ROBO1: variants seen among roughly 807,000 people sequenced by gnomAD.
The protein encoded by ROBO1 is roundabout homolog 1.
A neutral mutation model predicts 195.9 loss-of-function variants in ROBO1; 149 were observed. The ratio of observed to expected loss-of-function variants is 0.76; its 90% CI spans 0.67 to 0.87. The LOEUF (loss-of-function observed/expected upper bound fraction) is 0.87. Among genes scored for constraint, ROBO1 ranks in the 40% least tolerant of loss-of-function variants. The pLI, the probability that ROBO1 is intolerant of heterozygous loss-of-function variation, is 0.00. For synonymous variants in ROBO1, 816 were observed against 733.2 expected, an observed-to-expected ratio of 1.11 and a Z score of -1.82; for missense variants, 1,933 against 2,068.3, an observed-to-expected ratio of 0.93 and a Z score of 1.27.
chr3:79,450,744 T>G (rs2039417074), intron 2 of ROBO1, among the ~76,000 whole-genome samples: 1 of 151,896 alleles, frequency 6.6e-6, no homozygotes, highest in Admixed American at 6.6e-5. Flanking sequence ...CAATTTTAAA[T>G]AATTTCTTAT....
rs146938395 is a variant in ROBO1 at position 79,031,084 on chromosome 3, T to C, written c.173-92157A>G. Among the ~76,000 whole-genome samples the C allele has an allele frequency of 2.5e-3, 384 of 152,336 alleles. 1 individual carries two copies. The highest frequency in any genetic ancestry group is 8.8e-3 in the African/African-American group (365 of 41,576). ...GTAGGGTAATAAAGGTGATATGTGA[T>C]GGTAAGGCAGAGTGCACCATTGAAT... On this transcript the variant is annotated intron_variant, in intron 3 of 30. Coordinates refer to ENST00000464233, the MANE Select transcript of ROBO1 (RefSeq NM_002941.4).
At chr3:79,581,406 A>G (rs4293670) in intron 2 of ROBO1, among the ~76,000 whole-genome samples, 152,281 of 152,284 alleles carry the variant, frequency 1, 76,139 homozygotes, top group Middle Eastern at 1. Context: ...AAGTAGAATA[A>G]TCCTGGTCTC....
intron 4 of ROBO1, among the ~76,000 whole-genome samples, chr3:78,848,779 T>C (rs2033840701): frequency 6.6e-6 from 1 of 152,134 alleles, no homozygotes; most frequent in Non-Finnish European, 1.5e-5. Context: ...AATCTCCAAG[T>C]TTAAAGTAGC....
chr3:79,756,869 T>C (rs1704433742), intron 1 of ROBO1, among the ~76,000 whole-genome samples: 1 of 152,208 alleles, frequency 6.6e-6, no homozygotes, highest in East Asian at 1.9e-4. Flanking sequence ...TCTGTGACTT[T>C]GATTATTCTA....
At chr3:79,003,162 T>A (rs2077543657) in intron 3 of ROBO1, among the ~76,000 whole-genome samples, 4 of 152,280 alleles carry the variant, frequency 2.6e-5, no homozygotes, top group African/African-American at 9.6e-5. Flanking sequence ...TATATTTTCC[T>A]TTGCTGGGAT....
intron 6 of ROBO1, 56 bp downstream of exon 6, chr3:78,717,707 A>G: frequency 1.9e-6 from 3 of 1,580,098 alleles, no homozygotes; most frequent in Non-Finnish European, 2.6e-6. Flanking sequence ...GTATACAGAC[A>G]CAAAATGATA....
chr3:79,222,877 T>A (rs1465120063), intron 2 of ROBO1, among the ~76,000 whole-genome samples: 1 of 152,184 alleles, frequency 6.6e-6, no homozygotes, highest in Non-Finnish European at 1.5e-5. Flanking sequence ...AAGAGTGTTT[T>A]TAGACCAGAT....
At chr3:79,531,625 G>T (rs1233576275) in intron 2 of ROBO1, among the ~76,000 whole-genome samples, 1 of 152,100 alleles carries the variant, frequency 6.6e-6, no homozygotes, top group African/African-American at 2.4e-5. Flanking sequence ...TGAATTTTAA[G>T]GTAGTATACT....
At chr3:79,477,433 A>T (rs1304547751) in intron 2 of ROBO1, among the ~76,000 whole-genome samples, 4 of 152,202 alleles carry the variant, frequency 2.6e-5, no homozygotes, top group Non-Finnish European at 4.4e-5. Context: ...AGGATTTATG[A>T]GGGTAAACAG....
intron 1 of ROBO1, among the ~76,000 whole-genome samples, chr3:79,636,991 C>T (rs1030052305): frequency 5.3e-5 from 8 of 152,128 alleles, no homozygotes; most frequent in Non-Finnish European, 1.5e-5. Context: ...CTTTATTAAA[C>T]ATGAAACAGA....
At chr3:79,250,491 C>T (rs2082699495) in intron 2 of ROBO1, among the ~76,000 whole-genome samples, 1 of 152,018 alleles carries the variant, frequency 6.6e-6, no homozygotes, top group South Asian at 2.1e-4. Flanking sequence ...TTAGAAGTTG[C>T]CAAAAGCATT....
intron 3 of ROBO1, among the ~76,000 whole-genome samples, chr3:79,100,387 C>T (rs1406101574): frequency 2.0e-5 from 3 of 151,684 alleles, no homozygotes; most frequent in African/African-American, 7.3e-5. Context: ...CTTACCCAAA[C>T]CTTATTCTTT....
intron 1 of ROBO1, among the ~76,000 whole-genome samples, chr3:79,739,963 C>A (rs1703552349): frequency 6.6e-6 from 1 of 151,982 alleles, no homozygotes; most frequent in Non-Finnish European, 1.5e-5. Context: ...TTCAGAAAAA[C>A]CACATCAACA....
intron 2 of ROBO1, among the ~76,000 whole-genome samples, chr3:79,249,414 C>A (rs2108904327): frequency 6.6e-6 from 1 of 152,304 alleles, no homozygotes; most frequent in South Asian, 2.1e-4. Flanking sequence ...TCGTGGTCAT[C>A]TCACCTATGA....
intron 2 of ROBO1, among the ~76,000 whole-genome samples, chr3:79,412,946 C>A (rs1190523974): frequency 8.6e-6 from 1 of 116,254 alleles, no homozygotes; most frequent in Non-Finnish European, 1.6e-5. Flanking sequence ...ATGAAGTCTA[C>A]TTCCCATGGG....
intron 2 of ROBO1, among the ~76,000 whole-genome samples, chr3:79,348,582 G>C (rs1193663318): frequency 6.6e-6 from 1 of 152,048 alleles, no homozygotes; most frequent in Non-Finnish European, 1.5e-5. Flanking sequence ...TTCTAATTAG[G>C]ATATGGAGAA....
At chr3:79,502,898 C>A (rs951063452) in intron 2 of ROBO1, among the ~76,000 whole-genome samples, 45 of 152,144 alleles carry the variant, frequency 3.0e-4, no homozygotes, top group Non-Finnish European at 1.0e-4. Flanking sequence ...ATTGTAAATG[C>A]ACCAATCAGC....
intron 3 of ROBO1, among the ~76,000 whole-genome samples, chr3:79,075,360 G>T (rs945686235): frequency 1.3e-5 from 2 of 151,912 alleles, no homozygotes; most frequent in Middle Eastern, 3.2e-3. Context: ...TAGAAATATA[G>T]GTCTGTAATC....
intron 4 of ROBO1, among the ~76,000 whole-genome samples, chr3:78,774,334 G>A (rs866578576): frequency 3.3e-5 from 5 of 149,694 alleles, no homozygotes; most frequent in African/African-American, 1.2e-4. Context: ...TTTTTGAGAC[G>A]GAGTCTCGCT....
Sources: gnomAD v4.1 joint callset for allele counts (sites outside exome capture counted in the v4.1 genomes callset) on GRCh38, gnomAD v4.1.1 for gene constraint, MANE v1.5 for transcripts, NCBI Gene and HGNC (gene_info 2026-07-23, HGNC 2026-07-21) for gene names.